Variants in CFAP299 observed in about 807,000 individuals in gnomAD.
CFAP299 encodes cilia and flagella associated protein 299, also known as cilia- and flagella-associated protein 299.
In CFAP299, 21 loss-of-function variants were observed where a neutral mutation model predicts 27.0. The ratio of observed to expected loss-of-function variants is 0.78; its 90% CI spans 0.55 to 1.12. The LOEUF is 1.12. Among genes scored for constraint, CFAP299 ranks in the 50% most tolerant of loss-of-function variants. The pLI, the probability that CFAP299 is intolerant of heterozygous loss-of-function variation, is 0.00. For missense variants in CFAP299, 310 were observed against 276.6 expected (o/e 1.12, Z -0.86); for synonymous variants, 104 against 98.1 (o/e 1.06, Z -0.36).
intron 2 of CFAP299, among the ~76,000 whole-genome samples, chr4:80,443,260 G>A (rs1241616198): frequency 2.0e-5 from 3 of 151,802 alleles, no homozygotes; most frequent in Non-Finnish European, 4.4e-5. Flanking sequence ...TGTCCCTTGA[G>A]CATCAATGCA....
At chr4:80,903,315 A>C (rs980578341) in intron 4 of CFAP299, among the ~76,000 whole-genome samples, 10 of 152,138 alleles carry the variant, frequency 6.6e-5, no homozygotes, top group African/African-American at 2.4e-4. Context: ...ATTCCAGATA[A>C]ATTGGGGAAG....
chr4:80,669,416 G>A (rs181337005), intron 3 of CFAP299, among the ~76,000 whole-genome samples: 202 of 151,816 alleles, frequency 1.3e-3, no homozygotes, highest in African/African-American at 4.6e-3. Context: ...ACCTCCTAAA[G>A]TGCTAGGATT....
chr4:80,817,724 A>C (rs577813177), intron 3 of CFAP299, among the ~76,000 whole-genome samples: 3 of 135,170 alleles, frequency 2.2e-5, no homozygotes, highest in South Asian at 4.7e-4. Flanking sequence ...AGTACAAACA[A>C]CTTTTTTTTT....
At chr4:80,710,049 G>T (rs329404) in intron 3 of CFAP299, among the ~76,000 whole-genome samples, 106,352 of 151,988 alleles carry the variant, frequency 0.7, 40,980 homozygotes, top group Non-Finnish European at 0.85. Flanking sequence ...AATAATACTA[G>T]CAAATGTAGC....
At chr4:80,560,602 C>T (rs779180379) in intron 2 of CFAP299, among the ~76,000 whole-genome samples, 1 of 151,952 alleles carries the variant, frequency 6.6e-6, no homozygotes, top group Non-Finnish European at 1.5e-5. Flanking sequence ...AGGTGAGTCT[C>T]AAGCCAAGCA....
chr4:80,561,465 C>G (rs1560625207), intron 2 of CFAP299, among the ~76,000 whole-genome samples: 1 of 151,974 alleles, frequency 6.6e-6, no homozygotes, highest in African/African-American at 2.4e-5. Context: ...ATCAAATGAA[C>G]TAAATAAGGT....
intron 3 of CFAP299, among the ~76,000 whole-genome samples, chr4:80,795,920 G>C (rs1049011517): frequency 6.6e-6 from 1 of 152,086 alleles, no homozygotes; most frequent in Admixed American, 6.6e-5. Context: ...TCATGTATGG[G>C]GACCTGCCAG....
At chr4:80,477,323 A>G (rs899976307) in intron 2 of CFAP299, among the ~76,000 whole-genome samples, 2 of 152,084 alleles carry the variant, frequency 1.3e-5, no homozygotes, top group Non-Finnish European at 2.9e-5. Context: ...CAGCCTCCCT[A>G]GTGTTGGGAT....
chr4:80,902,901 T>C (rs980526204), intron 4 of CFAP299, among the ~76,000 whole-genome samples: 1 of 152,028 alleles, frequency 6.6e-6, no homozygotes, highest in Non-Finnish European at 1.5e-5. Flanking sequence ...TATATATATA[T>C]ACAAACAAAT....
chr4:80,830,342 A>G (rs999083633), intron 3 of CFAP299, among the ~76,000 whole-genome samples: 1 of 152,086 alleles, frequency 6.6e-6, no homozygotes, highest in African/African-American at 2.4e-5. Context: ...CCATAGAAAA[A>G]TATTTAAGGC....
chr4:80,670,220 T>C (rs1383304952), intron 3 of CFAP299, among the ~76,000 whole-genome samples: 2 of 151,988 alleles, frequency 1.3e-5, no homozygotes, highest in East Asian at 3.9e-4. Flanking sequence ...TTCCCACCTA[T>C]GTATGAAAAC....
intron 3 of CFAP299, among the ~76,000 whole-genome samples, chr4:80,837,791 T>C (rs1490633739): frequency 6.6e-6 from 1 of 152,118 alleles, no homozygotes; most frequent in East Asian, 1.9e-4. Flanking sequence ...TACCCAGTAA[T>C]GGGATTGCTG....
chr4:80,631,859 G>GTCCCCCC (rs34615962), intron 3 of CFAP299, among the ~76,000 whole-genome samples: 2 of 21,468 alleles, frequency 9.3e-5, no homozygotes, highest in African/African-American at 1.5e-4. Context: ...GAATATTTGT[G>GTCCCCCC]CCCCACCCCC....
chr4:80,888,452 G>A (rs1309810430), intron 4 of CFAP299, among the ~76,000 whole-genome samples: 2 of 151,846 alleles, frequency 1.3e-5, no homozygotes, highest in East Asian at 3.9e-4. Context: ...AAATATATGT[G>A]CACCCATCAC....
chr4:80,843,972 C>T (rs548106811), intron 3 of CFAP299, among the ~76,000 whole-genome samples: 9 of 152,028 alleles, frequency 5.9e-5, no homozygotes, highest in Non-Finnish European at 1.3e-4. Flanking sequence ...TCTCATTGTT[C>T]AATTCCCACC....
At chr4:80,466,062 T>A (rs1729685950) in intron 2 of CFAP299, among the ~76,000 whole-genome samples, 1 of 152,230 alleles carries the variant, frequency 6.6e-6, no homozygotes, top group African/African-American at 2.4e-5. Flanking sequence ...AATTTCTAGG[T>A]TTTCAGGCTC....
intron 2 of CFAP299, among the ~76,000 whole-genome samples, chr4:80,391,528 C>T (rs1305973823): frequency 6.6e-6 from 1 of 152,148 alleles, no homozygotes; most frequent in African/African-American, 2.4e-5. Flanking sequence ...TGATCAATGA[C>T]AGACTGCGTA....
chr4:80,793,131 G>GTGTGT (rs1727666509), intron 3 of CFAP299, among the ~76,000 whole-genome samples: 1 of 149,106 alleles, frequency 6.7e-6, no homozygotes, highest in Admixed American at 6.7e-5. Flanking sequence ...GTGTGTGTAT[G>GTGTGT]GTAGTTTATT....
intron 4 of CFAP299, among the ~76,000 whole-genome samples, chr4:80,902,451 C>CCATATATATGT: frequency 8.7e-6 from 1 of 114,440 alleles, no homozygotes; most frequent in Non-Finnish European, 1.6e-5. Flanking sequence ...TATGGATATA[C>CCATATATATGT]ATATATACAT....
Sources: gnomAD v4.1 joint callset for allele counts (sites outside exome capture counted in the v4.1 genomes callset) on GRCh38, gnomAD v4.1.1 for gene constraint, MANE v1.5 for transcripts, NCBI Gene and HGNC (gene_info 2026-07-23, HGNC 2026-07-21) for gene names.